MACF1: variants seen among roughly 807,000 people sequenced by gnomAD.
MACF1 encodes the protein microtubule-actin cross-linking factor 1.
In MACF1, 193 loss-of-function variants were observed where a neutral mutation model predicts 854.8. That is an observed-to-expected ratio of 0.23 (90% CI 0.20 to 0.25). MACF1 has a LOEUF of 0.25. MACF1 is among the 10% of genes least tolerant of loss of function. MACF1 has a pLI of 1.00. For missense variants in MACF1, 7,722 were observed against 8,929.1 expected (o/e 0.86, Z 5.45); for synonymous variants, 3,185 against 3,226.7 (o/e 0.99, Z 0.44).
chr1:39,159,471 A>AGGGTGGAG (rs1404810685), intron 2 of MACF1, among the ~76,000 whole-genome samples: 1 of 152,044 alleles, frequency 6.6e-6, no homozygotes, highest in African/African-American at 2.4e-5. Flanking sequence ...AGTGGGGAGG[A>AGGGTGGAG]GGGTGGAGGG....
At chr1:39,131,626 T>C (rs895601708) in intron 2 of MACF1, among the ~76,000 whole-genome samples, 4 of 152,236 alleles carry the variant, frequency 2.6e-5, no homozygotes, top group African/African-American at 9.6e-5. Context: ...TCAAAGTGTC[T>C]ATAAATGTAT....
intron 38 of MACF1, among the ~76,000 whole-genome samples, chr1:39,339,128 AC>A (rs578240412): frequency 7.1e-4 from 108 of 151,868 alleles, no homozygotes; most frequent in African/African-American, 2.5e-3. Context: ...GGTGGTATAC[AC>A]CCTAGTCCCA....
intron 2 of MACF1, among the ~76,000 whole-genome samples, chr1:39,141,576 A>G (rs1643346809): frequency 6.6e-6 from 1 of 152,210 alleles, no homozygotes; most frequent in Non-Finnish European, 1.5e-5. Flanking sequence ...TCTGACGGAG[A>G]TTGAATGAAA....
chr1:39,176,179 A>G (rs1413743468), intron 2 of MACF1, among the ~76,000 whole-genome samples: 2 of 144,584 alleles, frequency 1.4e-5, no homozygotes, highest in Non-Finnish European at 3.0e-5. Context: ...GAGGGAGGCT[A>G]GTGCAGGAGA....
At chr1:39,447,176 C>T (rs952866638) in intron 80 of MACF1, among the ~76,000 whole-genome samples, 8 of 152,152 alleles carry the variant, frequency 5.3e-5, no homozygotes, top group Non-Finnish European at 1.2e-4. Flanking sequence ...TGGAGAGTAG[C>T]AGAGAAAGGA....
intron 58 of MACF1, among the ~76,000 whole-genome samples, chr1:39,408,292 G>C (rs1243077413): frequency 2.6e-5 from 4 of 152,192 alleles, no homozygotes; most frequent in African/African-American, 7.2e-5. Flanking sequence ...ACTTGAGAAG[G>C]GGGAGAGGGA....
At chr1:39,380,598 A>G (rs1053399331) in intron 55 of MACF1, among the ~76,000 whole-genome samples, 2 of 152,204 alleles carry the variant, frequency 1.3e-5, no homozygotes, top group Non-Finnish European at 2.9e-5. Context: ...CAAACTGGTA[A>G]TCTACTGTGA....
At chr1:39,390,850 G>A (rs1238163383) in intron 58 of MACF1, among the ~76,000 whole-genome samples, 2 of 152,168 alleles carry the variant, frequency 1.3e-5, no homozygotes, top group African/African-American at 2.4e-5. Flanking sequence ...GCTCACGCCT[G>A]TAATCCCAGC....
In MACF1 at chr1:39,410,298, A is replaced by G. The variant is rs1157862493; in HGVS notation, c.15817-12076A>G. 5 of 1,610,176 alleles carry G rather than the reference A, an allele frequency of 3.1e-6. No individual in the cohort carries two copies. In the Admixed American group the frequency reaches 6.7e-5, roughly 22 times the overall value. ...AGCCACTCAGCAGACCAGACTGTTTAAGGCGGAACCCCAGCTGCCTGGGGA... is the reference window on the plus strand; with the variant it reads ...AGCCACTCAGCAGACCAGACTGTTTGAGGCGGAACCCCAGCTGCCTGGGGA... On this transcript the variant is annotated intron_variant, in intron 58 of 100. Coordinates refer to ENST00000564288, the MANE Select transcript of MACF1 (RefSeq NM_001394062.1).
chr1:39,393,756 C>T (rs1642150671), intron 58 of MACF1, among the ~76,000 whole-genome samples: 1 of 151,294 alleles, frequency 6.6e-6, no homozygotes, highest in Non-Finnish European at 1.5e-5. Flanking sequence ...CTGCAGTGAG[C>T]TGCGTCCATG....
chr1:39,255,520 A>G (rs1645086915), intron 5 of MACF1, among the ~76,000 whole-genome samples: 1 of 152,176 alleles, frequency 6.6e-6, no homozygotes, highest in Admixed American at 6.5e-5. Flanking sequence ...CATTTTTGAC[A>G]CTCATATCAG....
rs141918077 is a variant in MACF1 at position 39,452,286 on chromosome 1, G to A, written c.20549G>A (p.Arg6850His). ...VKGQLQELST[R>H]WDTVCKLSVS... ...GGACAGCTCCAGGAACTGAGCACTCGCTGGGACACTGTCTGTAAACTCTCT... is the reference window on the plus strand; with the variant it reads ...GGACAGCTCCAGGAACTGAGCACTCACTGGGACACTGTCTGTAAACTCTCT... The change falls in exon 86 of 101, where the codon CGC (arginine) becomes CAC (histidine). Residue 6850 changes from arginine (R) to histidine (H), a missense_variant. By Grantham distance (29) the Arg-to-His change is conservative. Transcript: ENST00000564288. 1 of 1,614,178 alleles carries A rather than the reference G, an allele frequency of 6.2e-7. No individual in the cohort carries two copies. The highest frequency in any genetic ancestry group is 8.5e-7 in the Non-Finnish European group (1 of 1,180,024).
chr1:39,401,976 CCA>C (rs1642491997), intron 58 of MACF1, among the ~76,000 whole-genome samples: 2 of 152,198 alleles, frequency 1.3e-5, no homozygotes, highest in Admixed American at 6.5e-5. Context: ...CTTTGGGAGG[CCA>C]AGGCAGGCAG....
intron 84 of MACF1, 151 bp from the exon 85 acceptor site, chr1:39,450,901 G>A (rs1388313362): frequency 1.9e-5 from 16 of 821,300 alleles, no homozygotes; most frequent in African/African-American, 1.0e-4. Context: ...GTGAGCCACC[G>A]CGCCCGGCCT....
At chr1:39,320,957 G>A (rs1163021056) in intron 31 of MACF1, among the ~76,000 whole-genome samples, 1 of 152,088 alleles carries the variant, frequency 6.6e-6, no homozygotes, top group Non-Finnish European at 1.5e-5. Context: ...AACAGAGAAA[G>A]ACTGTGTCTC....
At chr1:39,360,008 AAAAAATATATATATATATATATAT>A (rs1386469959) in intron 47 of MACF1, among the ~76,000 whole-genome samples, 8 of 51,586 alleles carry the variant, frequency 1.6e-4, no homozygotes, top group Non-Finnish European at 2.1e-4. Flanking sequence ...AAAAAAAAAA[AAAAAATATATATATATATATATAT>A]ATATATATAT....
intron 80 of MACF1, among the ~76,000 whole-genome samples, chr1:39,446,538 C>T (rs1451351451): frequency 1.3e-5 from 2 of 150,046 alleles, no homozygotes; most frequent in Admixed American, 6.6e-5. Flanking sequence ...AACCTGAAAG[C>T]GCAAAGAGGA....
intron 2 of MACF1, among the ~76,000 whole-genome samples, chr1:39,091,325 C>T (rs1480966834): frequency 1.3e-5 from 2 of 152,208 alleles, no homozygotes; most frequent in East Asian, 3.8e-4. Flanking sequence ...GCCCTAGTTT[C>T]ATTGCTCACT....
chr1:39,349,233 C>A (rs1179621257), intron 41 of MACF1, among the ~76,000 whole-genome samples: 4 of 152,122 alleles, frequency 2.6e-5, no homozygotes, highest in Non-Finnish European at 4.4e-5. Context: ...AGCTCTCAAA[C>A]CAAAACCTGA....
Sources: allele counts gnomAD v4.1 joint callset (sites outside exome capture counted in the v4.1 genomes callset), GRCh38; gene constraint gnomAD v4.1.1; transcripts MANE v1.5; gene names NCBI Gene and HGNC (gene_info 2026-07-23, HGNC 2026-07-21).